SLC13A4: variants seen among roughly 807,000 people sequenced by gnomAD.
The protein encoded by SLC13A4 is solute carrier family 13 member 4.
SLC13A4 carries 28 observed loss-of-function variants against 72.7 expected under a neutral mutation model. The observed-to-expected ratio is 0.39, with a 90% CI of 0.29 to 0.53. The LOEUF (loss-of-function observed/expected upper bound fraction) is 0.53, where lower values mean the gene tolerates loss of function less well. SLC13A4 is among the 20% of genes least tolerant of loss of function. The probability of loss-of-function intolerance (pLI) is 0.78; values close to 1 mark genes in which losing one functional copy is unlikely to be tolerated. For missense variants in SLC13A4, 653 were observed against 788.0 expected, an observed-to-expected ratio of 0.83 and a Z score of 2.05; for synonymous variants, 312 against 325.5, an observed-to-expected ratio of 0.96 and a Z score of 0.45.
At chr7:135,719,791 G>GTT (rs1227705950) in intron 2 of SLC13A4, among the ~76,000 whole-genome samples, 1 of 139,214 alleles carries the variant, frequency 7.2e-6, no homozygotes, top group African/African-American at 3.1e-5. Flanking sequence ...ATGTGTGTGT[G>GTT]TGTGTGTGTG....
intron 6 of SLC13A4, chr7:135,702,356 A>T (rs1796056679): frequency 6.2e-6 from 1 of 160,008 alleles, no homozygotes; most frequent in Non-Finnish European, 1.4e-5. Context: ...TTCCCCTGTA[A>T]ATGTGTTCTT....
rs369155230 is a variant in SLC13A4 at position 135,691,336 on chromosome 7, G to C, written c.1322-11C>G. The C allele has an allele frequency of 2.5e-6, 4 of 1,601,128 alleles. No individual in the cohort carries two copies. The African/African-American group carries it at 5.4e-5, about 22-fold the overall frequency. On this transcript the variant is annotated splice_polypyrimidine_tract_variant and intron_variant, in intron 12 of 15. Coordinates refer to ENST00000682651, the MANE Select transcript of SLC13A4 (RefSeq NM_001318192.2). The stretch of plus-strand genomic sequence containing the variant: ...GCTCCTGGTTCTCTCCTGGATTAGA[G>C]AGAGATGTAAAGCCAGATAAACCCT...
At chr7:135,711,924 C>T (rs938906237) in intron 2 of SLC13A4, among the ~76,000 whole-genome samples, 4 of 144,908 alleles carry the variant, frequency 2.8e-5, no homozygotes, top group African/African-American at 1.0e-4. Flanking sequence ...CTAAGGAAAC[C>T]TCCTTAGTGA....
At position 135,699,224 on chromosome 7, in the gene SLC13A4, G is replaced by A. The variant is rs889411990; in HGVS notation, c.899+140C>T. Reference sequence around the variant, plus strand: ...CCAATGTGCCTTATTACAGATATGAGCCACTGTGCTCAGCCTGTTTTTCCC... The same window carrying A: ...CCAATGTGCCTTATTACAGATATGAACCACTGTGCTCAGCCTGTTTTTCCC... On this transcript the variant is annotated intron_variant, in intron 8 of 15. Transcript: ENST00000682651. 4 of 849,222 alleles carry A rather than the reference G, an allele frequency of 4.7e-6. No individual in the cohort carries two copies. The African/African-American group carries it at 7.0e-5, about 15-fold the overall frequency. The allele number at this position is 849,222 out of a possible 1,614,324, so 52.6% of individuals were successfully genotyped here. A position where few individuals can be genotyped will look rare whatever the true frequency, so the allele number is the denominator to read the frequency against.
intron 8 of SLC13A4, among the ~76,000 whole-genome samples, chr7:135,696,591 G>C (rs763901443): frequency 2.0e-5 from 3 of 152,156 alleles, no homozygotes; most frequent in Non-Finnish European, 4.4e-5. Context: ...GACCTCAGAT[G>C]ATCTGCCTGC....
rs753965482 is a variant in SLC13A4, at chr7:135,691,352, G to C, written c.1322-27C>G. On this transcript the variant is annotated intron_variant, in intron 12 of 15. Transcript: ENST00000682651. ...TGGATTAGAGAGAGATGTAAAGCCA[G>C]ATAAACCCTGATGGACGTGATTTGT... The C allele has an allele frequency of 2.6e-6, 4 of 1,545,634 alleles. No homozygotes were observed. In the South Asian group the frequency reaches 3.3e-5, roughly 13 times the overall value.
chr7:135,704,057 AT>A, intron 5 of SLC13A4: 1 of 152,422 alleles, frequency 6.6e-6, no homozygotes, highest in Non-Finnish European at 1.5e-5. Flanking sequence ...TTGGGGATAC[AT>A]TTTTGTGTGG....
intron 11 of SLC13A4, 98 bp from the exon 12 acceptor site, chr7:135,691,743 T>G: frequency 3.8e-6 from 3 of 785,996 alleles, no homozygotes; most frequent in Non-Finnish European, 6.4e-6. Flanking sequence ...TGCCTCTTTT[T>G]AGGACTTATC....
chr7:135,689,043 A>ACTGGG (rs2129493901), intron 13 of SLC13A4: 1 of 151,838 alleles, frequency 6.6e-6, no homozygotes, highest in Admixed American at 6.6e-5. Flanking sequence ...GCACCACCAC[A>ACTGGG]CTGGGCTAAC....
intron 8 of SLC13A4, among the ~76,000 whole-genome samples, chr7:135,696,961 G>T (rs1244413102): frequency 6.6e-6 from 1 of 152,132 alleles, no homozygotes; most frequent in East Asian, 1.9e-4. Flanking sequence ...GTCTGATATT[G>T]TTTCCTTCTG....
At chr7:135,708,876 T>C (rs1353405516) in intron 2 of SLC13A4, among the ~76,000 whole-genome samples, 1 of 150,828 alleles carries the variant, frequency 6.6e-6, no homozygotes, top group African/African-American at 2.4e-5. Context: ...TTTAACATCA[T>C]ATCCTCATTA....
Position 135,699,540 on chromosome 7 carries a change from T to C in SLC13A4, c.723A>G (p.Pro241=), listed in dbSNP as rs751707170. The C allele has an allele frequency of 6.3e-7, 1 of 1,596,414 alleles. No individual in the cohort carries two copies. Among genetic ancestry groups the C allele is most frequent in the Non-Finnish European group, 8.5e-7 (1 of 1,170,606 alleles). The change falls in exon 8 of 16, where the codon CCA becomes CCG. Residue 241 remains proline (P), a synonymous_variant. Transcript: ENST00000682651. The part of the protein sequence containing the change: ...GKKQHPSQEK[P]QVLTPSPRKQ... ...TCCTGGGGCTGGGGGTCAGGACTTG[T>C]GGCTTTTCCTAACGAAGGAAAATCA...
chr7:135,717,078 C>T (rs1191686064), intron 2 of SLC13A4, among the ~76,000 whole-genome samples: 3 of 152,172 alleles, frequency 2.0e-5, no homozygotes, highest in African/African-American at 2.4e-5. Context: ...AGCCAGCTAG[C>T]GCATCCAACT....
chr7:135,710,711 C>CA (rs1376030476), intron 2 of SLC13A4, among the ~76,000 whole-genome samples: 3 of 152,210 alleles, frequency 2.0e-5, no homozygotes, highest in African/African-American at 7.2e-5. Flanking sequence ...AAAATAAAGG[C>CA]AGGCTGCTCC....
chr7:135,716,316 AT>A (rs1048824593), intron 2 of SLC13A4, among the ~76,000 whole-genome samples: 29 of 152,004 alleles, frequency 1.9e-4, no homozygotes, highest in Non-Finnish European at 3.5e-4. Context: ...ATTAAAAAAA[AT>A]TTTTTTAGAT....
intron 2 of SLC13A4, among the ~76,000 whole-genome samples, chr7:135,714,908 G>C (rs1796379519): frequency 6.6e-6 from 1 of 152,226 alleles, no homozygotes; most frequent in Non-Finnish European, 1.5e-5. Flanking sequence ...ACCAGCCCGA[G>C]GCCTGCAGCG....
intron 6 of SLC13A4, 25 bp downstream of exon 6, chr7:135,702,820 G>C (rs1267927455): frequency 6.2e-7 from 1 of 1,606,574 alleles, no homozygotes; most frequent in Non-Finnish European, 8.5e-7. Flanking sequence ...TGATTCCAAA[G>C]CACAGAAAAA....
intron 14 of SLC13A4, among the ~76,000 whole-genome samples, chr7:135,684,798 G>A (rs1180349047): frequency 6.6e-6 from 1 of 152,146 alleles, no homozygotes; most frequent in Non-Finnish European, 1.5e-5. Context: ...TCTGAGCAAT[G>A]AGCAGAGAGT....
intron 8 of SLC13A4, 71 bp from the exon 9 acceptor site, chr7:135,695,558 C>T: frequency 6.6e-7 from 1 of 1,519,250 alleles, no homozygotes; most frequent in Admixed American, 2.0e-5. Flanking sequence ...GGTAGTATGC[C>T]AAATGCTCCC....
Sources: allele counts gnomAD v4.1 joint callset (sites outside exome capture counted in the v4.1 genomes callset), GRCh38; gene constraint gnomAD v4.1.1; transcripts MANE v1.5; gene names NCBI Gene and HGNC (gene_info 2026-07-23, HGNC 2026-07-21).